The following PPARGC1A variants were observed in gnomAD, a reference collection of about 807,000 sequenced individuals.
The protein encoded by PPARGC1A is PPARG coactivator 1 alpha, also known as peroxisome proliferator-activated receptor gamma coactivator 1-alpha.
Under a neutral mutation model 88.7 loss-of-function variants are expected in PPARGC1A, and 25 were observed. The ratio of observed to expected loss-of-function variants is 0.28; its 90% confidence interval spans 0.21 to 0.39. The LOEUF (loss-of-function observed/expected upper bound fraction) is 0.39, where lower values mean the gene tolerates loss of function less well. Ranked by LOEUF, PPARGC1A falls within the 10% of genes least tolerant of loss-of-function variation. PPARGC1A has a pLI of 1.00. For missense variants in PPARGC1A, 880 were observed against 968.7 expected (o/e 0.91, Z 1.22); for synonymous variants, 363 against 355.6 (o/e 1.02, Z -0.24).
the PPARGC1A span, among the ~76,000 whole-genome samples, chr4:24,335,173 C>A: frequency 6.6e-6 from 1 of 152,132 alleles, no homozygotes; most frequent in South Asian, 2.1e-4. Flanking sequence ...GGTAAGCAGT[C>A]AATACATGGA....
chr4:24,309,001 G>T, the PPARGC1A span, among the ~76,000 whole-genome samples: 1 of 152,094 alleles, frequency 6.6e-6, no homozygotes, highest in Admixed American at 6.5e-5. Context: ...AAGCTAAGGA[G>T]TTCATACATT....
At chr4:23,986,966 T>G in the PPARGC1A span, among the ~76,000 whole-genome samples, 1 of 152,090 alleles carries the variant, frequency 6.6e-6, no homozygotes, top group Admixed American at 6.6e-5. Flanking sequence ...CTTCGTTTAT[T>G]TCATTATTAA....
chr4:23,799,135 A>T (rs1577322615), intron 12 of PPARGC1A, among the ~76,000 whole-genome samples: 1 of 152,292 alleles, frequency 6.6e-6, no homozygotes, highest in East Asian at 1.9e-4. Flanking sequence ...TGAGTCCAGT[A>T]TATTCTTATG....
the PPARGC1A span, among the ~76,000 whole-genome samples, chr4:24,318,638 A>G: frequency 6.6e-6 from 1 of 152,254 alleles, no homozygotes; most frequent in Non-Finnish European, 1.5e-5. Flanking sequence ...AAGCACTGAA[A>G]AAAGCACAGA....
At chr4:24,147,311 C>T in the PPARGC1A span, among the ~76,000 whole-genome samples, 4 of 152,144 alleles carry the variant, frequency 2.6e-5, no homozygotes, top group African/African-American at 7.2e-5. Context: ...TCAGTGAGAC[C>T]GGGGATCCAT....
chr4:23,988,066 T>C, the PPARGC1A span, among the ~76,000 whole-genome samples: 1 of 152,006 alleles, frequency 6.6e-6, no homozygotes, highest in Non-Finnish European at 1.5e-5. Context: ...GTTAGTTTGC[T>C]GAGAATGATG....
At chr4:24,466,612 G>A in the PPARGC1A span, among the ~76,000 whole-genome samples, 1 of 152,108 alleles carries the variant, frequency 6.6e-6, no homozygotes, top group Non-Finnish European at 1.5e-5. Context: ...ATTGATAAAT[G>A]TTAGTCATTG....
At chr4:24,299,443 T>G in the PPARGC1A span, among the ~76,000 whole-genome samples, 3 of 152,152 alleles carry the variant, frequency 2.0e-5, no homozygotes, top group African/African-American at 7.2e-5. Flanking sequence ...GAAGTCAATA[T>G]ATGGGCTTTT....
At chr4:24,130,504 C>G in the PPARGC1A span, among the ~76,000 whole-genome samples, 1 of 152,140 alleles carries the variant, frequency 6.6e-6, no homozygotes, top group African/African-American at 2.4e-5. Flanking sequence ...CTGTGCACAA[C>G]ACATTGAATT....
the PPARGC1A span, among the ~76,000 whole-genome samples, chr4:23,926,555 G>A: frequency 6.6e-6 from 1 of 152,166 alleles, no homozygotes; most frequent in African/African-American, 2.4e-5. Context: ...TGGCAGGAAG[G>A]TCTTCTCTGA....
the PPARGC1A span, among the ~76,000 whole-genome samples, chr4:24,232,272 G>A: frequency 6.6e-6 from 1 of 151,996 alleles, no homozygotes; most frequent in Non-Finnish European, 1.5e-5. Flanking sequence ...TTGTACAAGG[G>A]AAGTAACCCC....
the PPARGC1A span, among the ~76,000 whole-genome samples, chr4:24,090,417 C>A: frequency 1.3e-5 from 2 of 152,066 alleles, no homozygotes; most frequent in Non-Finnish European, 2.9e-5. Flanking sequence ...CCAGTCAATA[C>A]CAGTATTATA....
At chr4:24,030,771 GAC>G in the PPARGC1A span, among the ~76,000 whole-genome samples, 3 of 152,146 alleles carry the variant, frequency 2.0e-5, no homozygotes, top group Non-Finnish European at 4.4e-5. Context: ...TCTAATGGGA[GAC>G]ACAGAGTAGA....
At chr4:24,292,042 T>G in the PPARGC1A span, among the ~76,000 whole-genome samples, 1 of 151,880 alleles carries the variant, frequency 6.6e-6, no homozygotes, top group Non-Finnish European at 1.5e-5. Flanking sequence ...AAGAAGTGAG[T>G]GAAGAAGAAG....
chr4:24,372,843 G>A, the PPARGC1A span, among the ~76,000 whole-genome samples: 1 of 152,346 alleles, frequency 6.6e-6, no homozygotes, highest in Non-Finnish European at 1.5e-5. Context: ...TACAAATGCT[G>A]AATAAATGTT....
the PPARGC1A span, among the ~76,000 whole-genome samples, chr4:24,446,259 T>C: frequency 6.6e-6 from 1 of 152,188 alleles, no homozygotes; most frequent in Admixed American, 6.5e-5. Flanking sequence ...TTTTACTTTT[T>C]TATAATAGCC....
At chr4:23,829,420 C>G (rs769138493) in intron 4 of PPARGC1A, 43 bp downstream of exon 4, 3 of 1,601,350 alleles carry the variant, frequency 1.9e-6, no homozygotes, top group Admixed American at 3.3e-5. Context: ...AAGCCAAAAT[C>G]CTTTGGTACA....
At chr4:23,857,672 A>G (rs1730450245) in intron 2 of PPARGC1A, among the ~76,000 whole-genome samples, 1 of 151,734 alleles carries the variant, frequency 6.6e-6, no homozygotes, top group African/African-American at 2.4e-5. Context: ...TTGTAAATGC[A>G]CCACACTTTC....
chr4:23,996,262 G>A, the PPARGC1A span, among the ~76,000 whole-genome samples: 9 of 152,156 alleles, frequency 5.9e-5, no homozygotes, highest in African/African-American at 1.9e-4. Context: ...ATAATGCAAA[G>A]TCCCAAGTCA....
Sources: gnomAD v4.1 joint callset for allele counts (sites outside exome capture counted in the v4.1 genomes callset) on GRCh38, gnomAD v4.1.1 for gene constraint, MANE v1.5 for transcripts, NCBI Gene and HGNC (gene_info 2026-07-23, HGNC 2026-07-21) for gene names.